HSF2BP: variants seen among roughly 807,000 people sequenced by gnomAD.
HSF2BP encodes heat shock transcription factor 2 binding protein.
HSF2BP carries 35 observed loss-of-function variants against 35.0 expected under a neutral mutation model. The observed-to-expected ratio is 1.00, with a 90% CI of 0.76 to 1.32. The LOEUF is 1.32. Among genes scored for constraint, HSF2BP ranks in the 40% most tolerant of loss-of-function variants. The pLI is 0.00. For missense variants in HSF2BP, 326 were observed against 321.7 expected (o/e 1.01, Z -0.10); for synonymous variants, 114 against 117.4 (o/e 0.97, Z 0.18).
intron 7 of HSF2BP, among the ~76,000 whole-genome samples, chr21:43,596,579 C>G (rs1449267028): frequency 6.6e-6 from 1 of 151,952 alleles, no homozygotes; most frequent in Non-Finnish European, 1.5e-5. Context: ...AGAAGTGCCC[C>G]CTTGAAAGAA....
rs562781605 is a variant in HSF2BP, at chr21:43,656,693, A to G, written c.81T>C (p.Asp27=). The stretch of plus-strand genomic sequence containing the variant: ...TCACTTCAGTTGTCAGCCGTTCCAG[A>G]TCCTTCTTTCTGACTTTAACAAATT... ...KEEFVKVRKK[D]LERLTTEVMQ... is the part of the protein sequence containing the mutation. Residue 27 remains aspartate (D), a synonymous_variant, in exon 3 of 9, where the codon GAT becomes GAC. Transcript: ENST00000291560. 21 of 1,613,992 alleles carry G rather than the reference A, an allele frequency of 1.3e-5. No homozygotes were observed. The South Asian group carries it at 2.1e-4, about 16-fold the overall frequency.
At chr21:43,581,820 T>TGTGGGAGATGAGG (rs1568884135) in intron 8 of HSF2BP, among the ~76,000 whole-genome samples, 3 of 152,068 alleles carry the variant, frequency 2.0e-5, no homozygotes, top group African/African-American at 7.3e-5. Flanking sequence ...GGGTCTGTGC[T>TGTGGGAGATGAGG]GCGGGAGATG....
chr21:43,612,272 G>A (rs2082214753), intron 7 of HSF2BP, among the ~76,000 whole-genome samples: 1 of 152,100 alleles, frequency 6.6e-6, no homozygotes, highest in South Asian at 2.1e-4. Flanking sequence ...CAACTCTCAT[G>A]GGAAAAAACA....
intron 8 of HSF2BP, among the ~76,000 whole-genome samples, chr21:43,586,709 G>A (rs1041065533): frequency 2.0e-5 from 3 of 151,838 alleles, no homozygotes; most frequent in Non-Finnish European, 4.4e-5. Context: ...TCCAAAGCTC[G>A]TGTACTTATT....
chr21:43,632,582 T>C (rs1280498582), intron 5 of HSF2BP, among the ~76,000 whole-genome samples: 1 of 152,070 alleles, frequency 6.6e-6, no homozygotes, highest in Non-Finnish European at 1.5e-5. Flanking sequence ...ACCAAGTGTG[T>C]CTGCTGCTCC....
chr21:43,636,911 A>AT (rs1197080851), intron 4 of HSF2BP, among the ~76,000 whole-genome samples: 31 of 150,332 alleles, frequency 2.1e-4, no homozygotes, highest in African/African-American at 7.2e-4. Flanking sequence ...AAAAAAAAAA[A>AT]AAAGAAATAA....
the HSF2BP span, among the ~76,000 whole-genome samples, chr21:43,505,503 C>A: frequency 1.0e-5 from 1 of 98,068 alleles, no homozygotes; most frequent in African/African-American, 6.5e-5. Flanking sequence ...CTGTGTCTGG[C>A]TTGGGGCTGC....
chr21:43,587,525 C>T (rs988922114), intron 8 of HSF2BP, among the ~76,000 whole-genome samples: 1 of 151,976 alleles, frequency 6.6e-6, no homozygotes, highest in Non-Finnish European at 1.5e-5. Flanking sequence ...ATTAGCCGGG[C>T]GTGGTGGTAC....
At chr21:43,593,093 A>C (rs1381113272) in intron 7 of HSF2BP, among the ~76,000 whole-genome samples, 1 of 152,256 alleles carries the variant, frequency 6.6e-6, no homozygotes, top group Non-Finnish European at 1.5e-5. Context: ...ACAAAGTAAG[A>C]GCACAAAATC....
chr21:43,649,106 G>A (rs1266199160), intron 3 of HSF2BP, among the ~76,000 whole-genome samples: 2 of 151,998 alleles, frequency 1.3e-5, no homozygotes, highest in African/African-American at 2.4e-5. Flanking sequence ...CCAGGCTGGA[G>A]TGCAGTGGCA....
chr21:43,604,214 G>A (rs543694578), intron 7 of HSF2BP, among the ~76,000 whole-genome samples: 2 of 141,224 alleles, frequency 1.4e-5, no homozygotes, highest in South Asian at 4.6e-4. Context: ...ACACACCACA[G>A]CACACAGCAC....
At chr21:43,637,872 T>G (rs1407275754) in intron 4 of HSF2BP, among the ~76,000 whole-genome samples, 1 of 151,814 alleles carries the variant, frequency 6.6e-6, no homozygotes, top group Admixed American at 6.6e-5. Context: ...CTTCTCAATT[T>G]TATAAACGCA....
intron 7 of HSF2BP, among the ~76,000 whole-genome samples, chr21:43,601,893 A>G (rs985661446): frequency 6.6e-6 from 1 of 152,246 alleles, no homozygotes; most frequent in African/African-American, 2.4e-5. Flanking sequence ...ATCCCTAATG[A>G]TAACTTTCCT....
chr21:43,616,126 T>A lies in HSF2BP; in HGVS notation c.575-2179A>T, dbSNP rs369296981. Among the ~76,000 whole-genome samples, 81 of 151,954 alleles carry A rather than the reference T, an allele frequency of 5.3e-4. No homozygotes were observed. In the Middle Eastern group the frequency reaches 0.017, roughly 32 times the overall value. ...CCTGACTCCAGAGATGGCTACCAGG[T>A]GGGCCTGGCCTCATGTTCAGACCCT... is the stretch of plus-strand genomic sequence containing the variant. On this transcript the variant is annotated intron_variant, in intron 6 of 8. Transcript: ENST00000291560.
chr21:43,622,876 T>G (rs1329321686), intron 6 of HSF2BP, among the ~76,000 whole-genome samples: 1 of 152,238 alleles, frequency 6.6e-6, no homozygotes, highest in Non-Finnish European at 1.5e-5. Flanking sequence ...ATACATTCTT[T>G]TCATCAGCAT....
intron 6 of HSF2BP, among the ~76,000 whole-genome samples, chr21:43,627,541 G>T (rs1335021894): frequency 6.6e-6 from 1 of 152,142 alleles, no homozygotes; most frequent in Non-Finnish European, 1.5e-5. Flanking sequence ...CACCTGGGGT[G>T]ATTTTCCAAA....
chr21:43,636,534 G>T (rs921582933), intron 4 of HSF2BP, among the ~76,000 whole-genome samples: 9 of 152,158 alleles, frequency 5.9e-5, no homozygotes, highest in African/African-American at 1.9e-4. Flanking sequence ...CCAGATTAAA[G>T]AATTCTTACA....
At chr21:43,607,902 G>A (rs987877001) in intron 7 of HSF2BP, among the ~76,000 whole-genome samples, 3 of 152,142 alleles carry the variant, frequency 2.0e-5, no homozygotes, top group African/African-American at 4.8e-5. Context: ...ATATGTAAAC[G>A]AATGAAACTG....
At chr21:43,609,098 A>C (rs1446691307) in intron 7 of HSF2BP, among the ~76,000 whole-genome samples, 2 of 152,254 alleles carry the variant, frequency 1.3e-5, no homozygotes, top group Non-Finnish European at 2.9e-5. Context: ...GCCAGAAAGA[A>C]AGACCACCAC....
Sources: gnomAD v4.1 joint callset for allele counts (sites outside exome capture counted in the v4.1 genomes callset) on GRCh38, gnomAD v4.1.1 for gene constraint, MANE v1.5 for transcripts, NCBI Gene and HGNC (gene_info 2026-07-23, HGNC 2026-07-21) for gene names.